Variants in SFMBT2 observed in about 807,000 individuals in gnomAD.
SFMBT2 encodes Scm like with four mbt domains 2.
A neutral mutation model predicts 110.1 loss-of-function variants in SFMBT2; 38 were observed. That is an observed-to-expected ratio of 0.35 (90% CI 0.27 to 0.45). The LOEUF (loss-of-function observed/expected upper bound fraction) is 0.45, where lower values mean the gene tolerates loss of function less well. Among genes scored for constraint, SFMBT2 ranks in the 20% least tolerant of loss-of-function variants. SFMBT2 has a pLI of 1.00. For synonymous variants in SFMBT2, 425 were observed against 425.4 expected (o/e 1.00, Z 0.01); for missense variants, 1,011 against 1,094.9 (o/e 0.92, Z 1.08).
chr10:7,187,461 T>G (rs1041906073), intron 16 of SFMBT2, among the ~76,000 whole-genome samples: 1 of 152,244 alleles, frequency 6.6e-6, no homozygotes, highest in African/African-American at 2.4e-5. Context: ...TGATGAAATG[T>G]AGCAGCATCG....
At chr10:7,402,304 T>C (rs1046876280) in intron 1 of SFMBT2, among the ~76,000 whole-genome samples, 3 of 152,186 alleles carry the variant, frequency 2.0e-5, no homozygotes, top group Non-Finnish European at 2.9e-5. Flanking sequence ...TAAGTAAACA[T>C]GTCTTCCGCC....
rs1288946759 is a variant in SFMBT2 at position 7,367,953 on chromosome 10, C to T, written c.196-64G>A. ...TAGACACAATACATCCAGAAGATGA[C>T]AAAAACCACTAAAAAATATGGCACT... On this transcript the variant is annotated intron_variant, in intron 3 of 20. Transcript: ENST00000397167. The surrounding 1 kb of genome is among the most constrained non-coding windows in gnomAD (Gnocchi z 6.2). The T allele has an allele frequency of 6.4e-7, 1 of 1,557,488 alleles. No homozygotes were observed. The highest frequency in any genetic ancestry group is 2.3e-5 in the East Asian group (1 of 44,298).
At chr10:7,322,606 G>GACAC (rs139616328) in intron 4 of SFMBT2, among the ~76,000 whole-genome samples, 92 of 148,696 alleles carry the variant, frequency 6.2e-4, no homozygotes, top group Non-Finnish European at 7.3e-4. Flanking sequence ...ACTTATGGAA[G>GACAC]ACACACACAC....
intron 4 of SFMBT2, among the ~76,000 whole-genome samples, chr10:7,317,859 G>C (rs1843063842): frequency 6.6e-6 from 1 of 152,124 alleles, no homozygotes; most frequent in Non-Finnish European, 1.5e-5. Context: ...GCGTCATTTG[G>C]AAGACAAAAT....
rs142364357 is a variant in SFMBT2, at chr10:7,172,197, C to T, written c.2152-39G>A. 64 of 1,519,710 alleles carry T rather than the reference C, an allele frequency of 4.2e-5. No individual in the cohort carries two copies. The African/African-American group carries it at 5.3e-4, about 13-fold the overall frequency. 94.1% of individuals were successfully genotyped at this position (1,519,710 alleles called of 1,614,324 possible). On this transcript the variant is annotated intron_variant, in intron 18 of 20. Transcript: ENST00000397167. The surrounding 1 kb of genome is among the most constrained non-coding windows in gnomAD (Gnocchi z 4.6). ...AAAGGCATTTAAGGGGCTGGTGGCC[C>T]GGGGGCCTGTAGCGGTGGCCCCGCG...
intron 20 of SFMBT2, chr10:7,164,248 A>G: frequency 3.2e-6 from 2 of 631,900 alleles, no homozygotes; most frequent in African/African-American, 2.0e-5. Flanking sequence ...TTAGCTGGGC[A>G]TGGTGGTGCA....
chr10:7,194,452 G>A (rs1286742357), intron 15 of SFMBT2, among the ~76,000 whole-genome samples: 3 of 152,088 alleles, frequency 2.0e-5, no homozygotes, highest in East Asian at 3.9e-4. Flanking sequence ...TCCACACCCC[G>A]AGACGTCTAT....
At chr10:7,331,271 A>G (rs1216830069) in intron 4 of SFMBT2, among the ~76,000 whole-genome samples, 2 of 152,204 alleles carry the variant, frequency 1.3e-5, no homozygotes, top group African/African-American at 4.8e-5. Context: ...AATTCTCAAC[A>G]CACTGTCTAA....
chr10:7,175,017 G>C (rs2497442), intron 17 of SFMBT2, among the ~76,000 whole-genome samples: 147,697 of 152,324 alleles, frequency 0.97, 71,699 homozygotes, highest in East Asian at 1. Flanking sequence ...GTCACACTCT[G>C]CACAGCGTTT....
At position 7,197,046 on chromosome 10, in the gene SFMBT2, C is replaced by T. The variant is rs529527133; in HGVS notation, c.1698+502G>A. Among the ~76,000 whole-genome samples, 5 of 152,200 alleles carry T rather than the reference C, an allele frequency of 3.3e-5. No homozygotes were observed. In the South Asian group the frequency reaches 8.3e-4, roughly 25 times the overall value. On this transcript the variant is annotated intron_variant, in intron 15 of 20. Coordinates refer to ENST00000397167, the MANE Select transcript of SFMBT2 (RefSeq NM_001387889.1). ...AAAGTACCTGGAGACCATTGAAATA[C>T]TTACCATTACCTCCCGTGTGCAGGT...
At chr10:7,340,827 A>AG (rs1209178511) in intron 4 of SFMBT2, among the ~76,000 whole-genome samples, 11 of 150,634 alleles carry the variant, frequency 7.3e-5, no homozygotes, top group Admixed American at 7.3e-4. Flanking sequence ...AAAAAAAAAA[A>AG]AGCTAGAAAA....
At chr10:7,373,905 G>A (rs373737143) in intron 2 of SFMBT2, among the ~76,000 whole-genome samples, 15 of 152,288 alleles carry the variant, frequency 9.8e-5, no homozygotes, top group East Asian at 7.7e-4. Flanking sequence ...GTAGGACTCC[G>A]AGAATGATAG....
At chr10:7,344,830 G>T (rs913726137) in intron 4 of SFMBT2, among the ~76,000 whole-genome samples, 4 of 151,722 alleles carry the variant, frequency 2.6e-5, no homozygotes, top group African/African-American at 9.7e-5. Context: ...ACAGTGGCGG[G>T]TGCCTGTAGT....
At chr10:7,386,668 C>G (rs1185130306) in intron 1 of SFMBT2, among the ~76,000 whole-genome samples, 1 of 152,142 alleles carries the variant, frequency 6.6e-6, no homozygotes, top group African/African-American at 2.4e-5. Context: ...GAATGGACTT[C>G]TCAGCAGTCT....
chr10:7,278,903 C>A lies in SFMBT2; in HGVS notation c.773-1914G>T, dbSNP rs372900542. On this transcript the variant is annotated intron_variant, in intron 6 of 20. Transcript: ENST00000397167. ...GACCAGCCAGGCCAACATGGTGAAA[C>A]CTCACTTCTAATAAAATTTAAAAAA... Among the ~76,000 whole-genome samples the A allele has an allele frequency of 3.3e-5, 5 of 151,484 alleles. No homozygotes were observed. In the East Asian group the frequency reaches 9.7e-4, roughly 29 times the overall value.
At chr10:7,384,398 C>T (rs972034581) in intron 1 of SFMBT2, among the ~76,000 whole-genome samples, 5 of 152,058 alleles carry the variant, frequency 3.3e-5, no homozygotes, top group Non-Finnish European at 4.4e-5. Flanking sequence ...TAAGAAAATA[C>T]GGTATCTACA....
intron 6 of SFMBT2, among the ~76,000 whole-genome samples, chr10:7,278,105 C>T (rs975338163): frequency 5.9e-5 from 9 of 152,222 alleles, no homozygotes; most frequent in African/African-American, 1.9e-4. Context: ...ACATCCTCTG[C>T]GTGTGTGCAT....
chr10:7,201,711 G>A (rs1009633384), intron 13 of SFMBT2, among the ~76,000 whole-genome samples: 7 of 152,130 alleles, frequency 4.6e-5, no homozygotes, highest in African/African-American at 7.2e-5. Flanking sequence ...ACATTTTGGC[G>A]TATTTTAAAT....
chr10:7,233,569 C>G (rs1840172661), intron 9 of SFMBT2, among the ~76,000 whole-genome samples: 1 of 152,220 alleles, frequency 6.6e-6, no homozygotes, highest in South Asian at 2.1e-4. Flanking sequence ...ATACAATCAT[C>G]TTCAAAGTCA....
Sources: allele counts gnomAD v4.1 joint callset (sites outside exome capture counted in the v4.1 genomes callset), GRCh38; gene constraint gnomAD v4.1.1; non-coding constraint Gnocchi (gnomAD v3.1); transcripts MANE v1.5; gene names NCBI Gene and HGNC (gene_info 2026-07-23, HGNC 2026-07-21).